Variants in ZNF383 observed in about 807,000 individuals in gnomAD.
ZNF383 encodes the protein zinc finger protein 383.
In ZNF383, 32 loss-of-function variants were observed where a neutral mutation model predicts 44.2. The ratio of observed to expected loss-of-function variants is 0.72; its 90% CI spans 0.55 to 0.97. The LOEUF is 0.97. Ranked by LOEUF, ZNF383 falls within the 50% of genes least tolerant of loss-of-function variation. The pLI is 0.00. For synonymous variants in ZNF383, 155 were observed against 186.2 expected (o/e 0.83, Z 1.36); for missense variants, 487 against 562.5 (o/e 0.87, Z 1.36).
chr19:37,229,459 T>C (rs1973349330), intron 2 of ZNF383, among the ~76,000 whole-genome samples: 2 of 127,634 alleles, frequency 1.6e-5, no homozygotes, highest in African/African-American at 3.1e-5. Context: ...TGCACCCAGC[T>C]TTTTTTTTTT....
At chr19:37,223,315 A>G (rs1445407159) in intron 1 of ZNF383, among the ~76,000 whole-genome samples, 1 of 152,212 alleles carries the variant, frequency 6.6e-6, no homozygotes, top group Non-Finnish European at 1.5e-5. Flanking sequence ...CCACAAAGGG[A>G]GTCTCAATAA....
chr19:37,225,882 T>A (rs1973137591), intron 2 of ZNF383, among the ~76,000 whole-genome samples: 1 of 151,152 alleles, frequency 6.6e-6, no homozygotes, highest in Non-Finnish European at 1.5e-5. Context: ...CTCCGCCTCC[T>A]GGGTTCAAGC....
intron 2 of ZNF383, chr19:37,227,582 A>C (rs932283046): frequency 6.6e-6 from 1 of 152,526 alleles, no homozygotes; most frequent in Admixed American, 6.5e-5. Context: ...TGTAGAAATA[A>C]AGACCCAAGA....
chr19:37,222,718 G>C (rs982867728), intron 1 of ZNF383, among the ~76,000 whole-genome samples: 1 of 152,140 alleles, frequency 6.6e-6, no homozygotes, highest in African/African-American at 2.4e-5. Flanking sequence ...TTACTGATTG[G>C]CATTTGATTT....
chr19:37,229,107 T>G (rs1973323439), intron 2 of ZNF383, among the ~76,000 whole-genome samples: 1 of 151,946 alleles, frequency 6.6e-6, no homozygotes, highest in Admixed American at 6.6e-5. Flanking sequence ...ACAGATATTT[T>G]TAAAAACAGC....
chr19:37,232,360 G>A (rs927430654), intron 3 of ZNF383, among the ~76,000 whole-genome samples: 2 of 151,972 alleles, frequency 1.3e-5, no homozygotes, highest in African/African-American at 4.8e-5. Context: ...GAGCCACCAT[G>A]CCCGGCCAAA....
intron 1 of ZNF383, 100 bp from the exon 2 acceptor site, chr19:37,224,718 T>C (rs1253892084): frequency 1.3e-5 from 2 of 150,490 alleles, no homozygotes; most frequent in Non-Finnish European, 3.0e-5. Flanking sequence ...CATGCCCAGC[T>C]AGCTTTTTTT....
In ZNF383 at chr19:37,243,361, T is replaced by C. The variant is rs1599810065; in HGVS notation, c.1125T>C (p.Phe375=). Residue 375 remains phenylalanine (F), a synonymous_variant, in exon 6 of 6, where the codon TTT becomes TTC. Coordinates refer to ENST00000684119, the MANE Select transcript of ZNF383 (RefSeq NM_001387601.1). ...PYDCKECGKA[F]TQSSQLRQHQ... Reference sequence around the variant, plus strand: ...ATTGTAAGGAATGTGGAAAGGCTTTTACTCAGAGCTCACAGCTTCGTCAAC... The same window carrying C: ...ATTGTAAGGAATGTGGAAAGGCTTTCACTCAGAGCTCACAGCTTCGTCAAC... The C allele has an allele frequency of 6.2e-7, 1 of 1,614,162 alleles. No homozygotes were observed. Among genetic ancestry groups the C allele is most frequent in the Admixed American group, 1.7e-5 (1 of 60,028 alleles).
At chr19:37,235,486 A>T (rs544892537) in intron 3 of ZNF383, 63 bp from the exon 4 acceptor site, 9 of 1,565,778 alleles carry the variant, frequency 5.7e-6, no homozygotes, top group Admixed American at 1.7e-5. Context: ...CCACAATACA[A>T]GCATCGTAGT....
Position 37,246,827 on chromosome 19 carries a change from C to G in ZNF383, c.*3163C>G, listed in dbSNP as rs1974389629. On this transcript the variant is annotated 3_prime_UTR_variant, in exon 6 of 6. Coordinates refer to ENST00000684119, the MANE Select transcript of ZNF383 (RefSeq NM_001387601.1). ...AATAAACGGTTACCAATCTGAAACC[C>G]TGAAAATATGATGAGTAGTAGAAAG... The G allele has an allele frequency of 1.3e-5, 2 of 151,736 alleles. No individual in the cohort carries two copies. Among genetic ancestry groups the G allele is most frequent in the Non-Finnish European group, 2.9e-5 (2 of 67,952 alleles). 9.4% of individuals were successfully genotyped at this position (151,736 alleles called of 1,614,324 possible). A position where few individuals can be genotyped will look rare whatever the true frequency, so the allele number is the denominator to read the frequency against.
At chr19:37,219,985 T>A (rs1277393990) in intron 1 of ZNF383, among the ~76,000 whole-genome samples, 1 of 151,980 alleles carries the variant, frequency 6.6e-6, no homozygotes, top group Non-Finnish European at 1.5e-5. Flanking sequence ...ACACACACAC[T>A]CTCCCCTCCT....
intron 3 of ZNF383, among the ~76,000 whole-genome samples, chr19:37,233,725 G>A (rs188603401): frequency 5.5e-4 from 84 of 152,184 alleles, no homozygotes; most frequent in Admixed American, 1.6e-3. Flanking sequence ...ACCACACCGG[G>A]CCTGGGATTT....
Position 37,236,954 on chromosome 19 carries a change from AACACACACACACACACAC to A in ZNF383, c.232+904_232+921del, listed in dbSNP as rs35036376. 1.5e-3 allele frequency among the ~76,000 whole-genome samples: 213 copies of A among 146,858 alleles called. 2 individuals carry two copies. Among genetic ancestry groups the A allele is most frequent in the South Asian group, 0.012 (56 of 4,520 alleles). On this transcript the variant is annotated intron_variant, in intron 5 of 5. Coordinates refer to ENST00000684119, the MANE Select transcript of ZNF383 (RefSeq NM_001387601.1). ...AATTGCGTCTGTATACACACATGTG[AACACACACACACACACAC>A]ACACACACACACACACACACACAGA...
At chr19:37,237,252 T>A (rs888247190) in intron 5 of ZNF383, among the ~76,000 whole-genome samples, 3 of 152,050 alleles carry the variant, frequency 2.0e-5, no homozygotes, top group South Asian at 4.1e-4. Flanking sequence ...AGAAATGAGA[T>A]AAGGAGTTTA....
At chr19:37,236,994 C>CACACACAG (rs1414836772) in intron 5 of ZNF383, among the ~76,000 whole-genome samples, 2 of 142,152 alleles carry the variant, frequency 1.4e-5, no homozygotes, top group Admixed American at 7.0e-5. Flanking sequence ...CACACACACA[C>CACACACAG]AGAGACACAC....
At chr19:37,226,156 G>T (rs1452981560) in intron 2 of ZNF383, among the ~76,000 whole-genome samples, 1 of 151,982 alleles carries the variant, frequency 6.6e-6, no homozygotes, top group Non-Finnish European at 1.5e-5. Flanking sequence ...GCATGTGACA[G>T]GACTTACTTT....
At position 37,221,532 on chromosome 19, in the gene ZNF383, C is replaced by T. The variant is rs527990505; in HGVS notation, c.-168+3258C>T. On this transcript the variant is annotated intron_variant, in intron 1 of 5. Coordinates refer to ENST00000684119, the MANE Select transcript of ZNF383 (RefSeq NM_001387601.1). ...GGGAGGTTGAGGCTGCAGTGAGCTG[C>T]GATTGCACCACTGCCTTCCATCCTG... Among the ~76,000 whole-genome samples, 14 of 152,152 alleles carry T rather than the reference C, an allele frequency of 9.2e-5. No homozygotes were observed. The South Asian group carries it at 1.0e-3, about 11-fold the overall frequency.
Position 37,243,299 on chromosome 19 carries a change from A to C in ZNF383, c.1063A>C (p.Asn355His). ...CTTTAGTAGTGGCTCAGCACTTACTAATCATCAGAGAATTCACACTGGTGA... is the reference window on the plus strand; with the variant it reads ...CTTTAGTAGTGGCTCAGCACTTACTCATCATCAGAGAATTCACACTGGTGA... ...KAFSSGSALT[N>H]HQRIHTGEKP... Residue 355 changes from asparagine to histidine, a missense_variant, in exon 6 of 6, where the codon AAT (asparagine) becomes CAT (histidine). Asn to His is a moderately conservative substitution (Grantham distance 68). Coordinates refer to ENST00000684119, the MANE Select transcript of ZNF383 (RefSeq NM_001387601.1). The C allele has an allele frequency of 6.2e-7, 1 of 1,613,886 alleles. No individual in the cohort carries two copies. Among genetic ancestry groups the C allele is most frequent in the Non-Finnish European group, 8.5e-7 (1 of 1,179,936 alleles).
chr19:37,244,588 A>G lies in ZNF383; in HGVS notation c.*924A>G, dbSNP rs1174029603. 2.0e-5 allele frequency: 3 copies of G among 152,186 alleles called. No homozygotes were observed. The highest frequency in any genetic ancestry group is 7.2e-5 in the African/African-American group (3 of 41,418). The allele number at this position is 152,186 out of a possible 1,614,324, so 9.4% of individuals were successfully genotyped here. A position where few individuals can be genotyped will look rare whatever the true frequency, so the allele number is the denominator to read the frequency against. On this transcript the variant is annotated 3_prime_UTR_variant, in exon 6 of 6. Transcript: ENST00000684119. ...GAGACGGGGTTTCACCATGTTAGCC[A>G]GGATGGTCTCAATCTCCCGACTTCA...
Sources: allele counts gnomAD v4.1 joint callset (sites outside exome capture counted in the v4.1 genomes callset), GRCh38; gene constraint gnomAD v4.1.1; transcripts MANE v1.5; gene names NCBI Gene and HGNC (gene_info 2026-07-23, HGNC 2026-07-21).